Variants in MAP9 observed in about 807,000 individuals in gnomAD.
MAP9 encodes the protein microtubule-associated protein 9.
A neutral mutation model predicts 75.2 loss-of-function variants in MAP9; 80 were observed. The ratio of observed to expected loss-of-function variants is 1.06; its 90% CI spans 0.89 to 1.28. The LOEUF is 1.28. Ranked by LOEUF, MAP9 falls within the 50% of genes most tolerant of loss-of-function variation. MAP9 has a pLI of 0.00. For synonymous variants in MAP9, 235 were observed against 237.3 expected, an observed-to-expected ratio of 0.99 and a Z score of 0.09; for missense variants, 753 against 719.9, an observed-to-expected ratio of 1.05 and a Z score of -0.53.
At chr4:155,351,189 G>A (rs967989438) in intron 13 of MAP9, 3 of 151,842 alleles carry the variant, frequency 2.0e-5, no homozygotes, top group African/African-American at 7.2e-5. Flanking sequence ...TTAAGAAACA[G>A]ACCCGAAAAC....
chr4:155,365,744 C>T (rs575451006), intron 5 of MAP9, among the ~76,000 whole-genome samples: 101 of 151,934 alleles, frequency 6.6e-4, no homozygotes, highest in African/African-American at 2.2e-3. Context: ...TAAAATAAAT[C>T]ACCATAAAAT....
chr4:155,374,553 T>C (rs566465123), intron 3 of MAP9, among the ~76,000 whole-genome samples: 1 of 152,174 alleles, frequency 6.6e-6, no homozygotes, highest in Non-Finnish European at 1.5e-5. Context: ...ACTTCTAATG[T>C]GCACCGAAGT....
intron 10 of MAP9, chr4:155,354,374 G>C (rs542245182): frequency 6.6e-6 from 1 of 152,206 alleles, no homozygotes; most frequent in Non-Finnish European, 1.5e-5. Flanking sequence ...AAGAGTTCAG[G>C]TAGGGGTTGG....
At chr4:155,367,353 A>C (rs1732378505) in intron 5 of MAP9, 1 of 152,296 alleles carries the variant, frequency 6.6e-6, no homozygotes, top group Non-Finnish European at 1.5e-5. Flanking sequence ...AAGCCAAGGA[A>C]TGCCATGGAC....
intron 8 of MAP9, among the ~76,000 whole-genome samples, chr4:155,356,150 A>C (rs1004022576): frequency 6.6e-6 from 1 of 151,988 alleles, no homozygotes. Flanking sequence ...GCCTGTAGTC[A>C]TAGCTACCCT....
chr4:155,370,392 G>T (rs1362787927), intron 4 of MAP9, among the ~76,000 whole-genome samples: 3 of 152,050 alleles, frequency 2.0e-5, no homozygotes, highest in African/African-American at 7.2e-5. Context: ...ACATAAAACG[G>T]ATTTTATGGT....
In MAP9 at chr4:155,373,264, G is replaced by A. The variant is rs1732685824; in HGVS notation, c.353C>T (p.Pro118Leu). The A allele has an allele frequency of 6.2e-7, 1 of 1,613,298 alleles. No homozygotes were observed. The highest frequency in any genetic ancestry group is 2.2e-5 in the East Asian group (1 of 44,814). The change falls in exon 4 of 14, where the codon CCT becomes CTT. Residue 118 changes from proline to leucine, a missense_variant. Pro to Leu is a moderately conservative substitution (Grantham distance 98, BLOSUM62 -3). Coordinates refer to ENST00000311277, the MANE Select transcript of MAP9 (RefSeq NM_001039580.2). ...CAIKNEEEMA[P>L]DGCEDIVVKS... ...TACAACAATGTCTTCACACCCATCAGGTGCCATTTCCTCTTCATTTTTGAT... is the reference window on the plus strand; with the variant it reads ...TACAACAATGTCTTCACACCCATCAAGTGCCATTTCCTCTTCATTTTTGAT...
chr4:155,351,376 T>G (rs971195385), intron 13 of MAP9, among the ~76,000 whole-genome samples: 1 of 151,794 alleles, frequency 6.6e-6, no homozygotes, highest in African/African-American at 2.4e-5. Flanking sequence ...CACAAAGTTG[T>G]TAGAAGAAAA....
chr4:155,365,263 A>G (rs1261364107), intron 5 of MAP9, among the ~76,000 whole-genome samples: 1 of 152,130 alleles, frequency 6.6e-6, no homozygotes, highest in South Asian at 2.1e-4. Flanking sequence ...AAAACAATCT[A>G]TAAGATAAGG....
At chr4:155,370,822 T>A (rs1231864206) in intron 4 of MAP9, among the ~76,000 whole-genome samples, 1 of 152,218 alleles carries the variant, frequency 6.6e-6, no homozygotes, top group African/African-American at 2.4e-5. Context: ...AAACGCTAAA[T>A]AATAAAATGA....
At chr4:155,358,620 A>T (rs1327612671) in intron 7 of MAP9, among the ~76,000 whole-genome samples, 5 of 152,174 alleles carry the variant, frequency 3.3e-5, no homozygotes, top group African/African-American at 1.2e-4. Context: ...ATAAATTTTT[A>T]AAGTATAGCA....
rs1377168209 is a variant in MAP9 at position 155,373,200 on chromosome 4, A to G, written c.417T>C (p.Phe139=). The G allele has an allele frequency of 1.9e-6, 3 of 1,599,262 alleles. No individual in the cohort carries two copies. The highest frequency in any genetic ancestry group is 1.7e-6 in the Non-Finnish European group (2 of 1,174,838). The change falls in exon 4 of 14, where the codon TTT becomes TTC. Residue 139 remains phenylalanine (F), a synonymous_variant. Transcript: ENST00000311277. ...FSESQNKDEE[F]EKDKIKMKPK... is the part of the protein sequence containing the mutation. The stretch of plus-strand genomic sequence containing the variant: ...GTTTCATTTTTATTTTGTCTTTTTC[A>G]AATTCCTCATCCTTATTTTGAGATT...
At chr4:155,358,159 C>A (rs1001617223) in intron 7 of MAP9, among the ~76,000 whole-genome samples, 7 of 152,140 alleles carry the variant, frequency 4.6e-5, no homozygotes, top group Non-Finnish European at 7.4e-5. Flanking sequence ...AGGGTCCAGT[C>A]AAAAGAAACA....
chr4:155,348,134 G>C (rs778611417), intron 13 of MAP9, among the ~76,000 whole-genome samples: 2 of 152,016 alleles, frequency 1.3e-5, no homozygotes, highest in Non-Finnish European at 2.9e-5. Flanking sequence ...CTGGGAGTTC[G>C]AGACCAGCCT....
intron 1 of MAP9, chr4:155,376,324 A>G (rs949211211): frequency 1.3e-5 from 2 of 153,806 alleles, no homozygotes; most frequent in Non-Finnish European, 2.9e-5. Flanking sequence ...AAAAAAATGT[A>G]TCTATATATT....
Position 155,373,204 on chromosome 4 carries a change from T to C in MAP9, c.413A>G (p.Glu138Gly). ...CATTTTTATTTTGTCTTTTTCAAAT[T>C]CCTCATCCTTATTTTGAGATTCAGA... ...SFSESQNKDE[E>G]FEKDKIKMKP... Residue 138 changes from glutamate (E) to glycine (G), a missense_variant, in exon 4 of 14, where the codon GAA becomes GGA. By Grantham distance (98) the Glu-to-Gly change is moderately conservative (BLOSUM62 -2). Coordinates refer to ENST00000311277, the MANE Select transcript of MAP9 (RefSeq NM_001039580.2). 1.9e-6 allele frequency: 3 copies of C among 1,602,896 alleles called. No individual in the cohort carries two copies. The highest frequency in any genetic ancestry group is 2.6e-6 in the Non-Finnish European group (3 of 1,175,904).
Position 155,347,684 on chromosome 4 carries a change from A to G in MAP9, c.*99T>C. 8.5e-7 allele frequency: 1 copy of G among 1,170,574 alleles called. No individual in the cohort carries two copies. The allele number at this position is 1,170,574 out of a possible 1,614,324, so 72.5% of individuals were successfully genotyped here. A position where few individuals can be genotyped will look rare whatever the true frequency, so the allele number is the denominator to read the frequency against. On this transcript the variant is annotated 3_prime_UTR_variant, in exon 14 of 14. Coordinates refer to ENST00000311277, the MANE Select transcript of MAP9 (RefSeq NM_001039580.2). ...CAGCAGGAGTGTCTGGCATTTAATTAAAATATATTCCTCTAACTATAAATA... is the reference window on the plus strand; with the variant it reads ...CAGCAGGAGTGTCTGGCATTTAATTGAAATATATTCCTCTAACTATAAATA...
chr4:155,353,642 A>G (rs952416889), intron 10 of MAP9, among the ~76,000 whole-genome samples: 1 of 152,156 alleles, frequency 6.6e-6, no homozygotes, highest in East Asian at 1.9e-4. Flanking sequence ...AACAAATTAT[A>G]TCAAAATAAA....
chr4:155,369,725 ACT>A (rs1005642864), intron 4 of MAP9, among the ~76,000 whole-genome samples: 2 of 152,186 alleles, frequency 1.3e-5, no homozygotes, highest in Admixed American at 6.5e-5. Flanking sequence ...AGGAGTGCTA[ACT>A]CTCATTAGAG....
Sources: gnomAD v4.1 joint callset for allele counts (sites outside exome capture counted in the v4.1 genomes callset) on GRCh38, gnomAD v4.1.1 for gene constraint, MANE v1.5 for transcripts, NCBI Gene and HGNC (gene_info 2026-07-23, HGNC 2026-07-21) for gene names.